HIF1A: variants seen among roughly 807,000 people sequenced by gnomAD.
HIF1A encodes the protein hypoxia inducible factor 1 subunit alpha, also known as hypoxia-inducible factor 1-alpha.
HIF1A carries 24 observed loss-of-function variants against 92.7 expected under a neutral mutation model. The observed-to-expected ratio is 0.26, with a 90% CI of 0.19 to 0.36. The LOEUF is 0.36. Ranked by LOEUF, HIF1A falls within the 10% of genes least tolerant of loss-of-function variation. The probability of loss-of-function intolerance (pLI) is 1.00; values close to 1 mark genes in which losing one functional copy is unlikely to be tolerated. For missense variants in HIF1A, 799 were observed against 998.5 expected (o/e 0.80, Z 2.69); for synonymous variants, 319 against 338.7 (o/e 0.94, Z 0.64).
intron 6 of HIF1A, 94 bp downstream of exon 6, chr14:61,727,749 A>C (rs1261486600): frequency 2.2e-6 from 2 of 928,828 alleles, no homozygotes; most frequent in Admixed American, 3.7e-5. Context: ...CTGGCCATGC[A>C]TGGTGGCTCA....
At chr14:61,702,815 T>C (rs1290586861) in intron 1 of HIF1A, among the ~76,000 whole-genome samples, 1 of 152,344 alleles carries the variant, frequency 6.6e-6, no homozygotes, top group East Asian at 1.9e-4. Flanking sequence ...GAGACCATTG[T>C]CTACTATTTC....
chr14:61,707,438 T>C (rs956061065), intron 1 of HIF1A, among the ~76,000 whole-genome samples: 1 of 152,264 alleles, frequency 6.6e-6, no homozygotes, highest in African/African-American at 2.4e-5. Context: ...GTATATCTCC[T>C]AATGCTATCC....
chr14:61,729,873 G>T (rs937128838), intron 6 of HIF1A, among the ~76,000 whole-genome samples: 1 of 152,054 alleles, frequency 6.6e-6, no homozygotes, highest in Non-Finnish European at 1.5e-5. Context: ...AGTTTGACCA[G>T]CAGACTGTTA....
At chr14:61,719,506 A>C (rs1275500098) in intron 1 of HIF1A, among the ~76,000 whole-genome samples, 1 of 152,254 alleles carries the variant, frequency 6.6e-6, no homozygotes, top group Non-Finnish European at 1.5e-5. Flanking sequence ...GTACAGGGTA[A>C]TGTTGGCACA....
intron 1 of HIF1A, among the ~76,000 whole-genome samples, chr14:61,714,043 A>G (rs576902640): frequency 2.6e-5 from 4 of 152,174 alleles, no homozygotes; most frequent in Non-Finnish European, 5.9e-5. Flanking sequence ...GCTGTTGGAG[A>G]GTTTTTTCCA....
chr14:61,711,558 T>C (rs1375588170), intron 1 of HIF1A, among the ~76,000 whole-genome samples: 1 of 152,226 alleles, frequency 6.6e-6, no homozygotes, highest in Non-Finnish European at 1.5e-5. Flanking sequence ...TCTAAATCTC[T>C]TTCCTGGCAA....
intron 1 of HIF1A, 127 bp from the exon 2 acceptor site, chr14:61,720,255 G>A (rs771530823): frequency 6.3e-6 from 4 of 630,668 alleles, no homozygotes; most frequent in Non-Finnish European, 1.0e-5. Context: ...AAATCTCCAT[G>A]TAACTTAATT....
intron 1 of HIF1A, chr14:61,697,990 T>C: frequency 8.1e-7 from 1 of 1,238,002 alleles, no homozygotes; most frequent in South Asian, 1.5e-5. Context: ...ACGCAGGACA[T>C]TTCATGTTGT....
At chr14:61,703,815 A>AGTGCTACTATT (rs111839514) in intron 1 of HIF1A, among the ~76,000 whole-genome samples, 1 of 151,950 alleles carries the variant, frequency 6.6e-6, no homozygotes, top group African/African-American at 2.4e-5. Flanking sequence ...ACTCTTGACC[A>AGTGCTACTATT]GTAATTAATG....
intron 6 of HIF1A, among the ~76,000 whole-genome samples, chr14:61,728,002 G>GAGC: frequency 7.4e-6 from 1 of 135,182 alleles, no homozygotes; most frequent in Non-Finnish European, 1.6e-5. Context: ...CTGGATGACA[G>GAGC]AGCAAGACTC....
chr14:61,699,936 A>G (rs1160229591), intron 1 of HIF1A, among the ~76,000 whole-genome samples: 4 of 152,204 alleles, frequency 2.6e-5, no homozygotes, highest in Non-Finnish European at 5.9e-5. Flanking sequence ...TGACACATCA[A>G]GAATTAACTG....
At position 61,736,953 on chromosome 14, in the gene HIF1A, G is replaced by T. The variant is rs746456910; in HGVS notation, c.1093G>T (p.Glu365Ter). 1 of 1,614,076 alleles carries T rather than the reference G, an allele frequency of 6.2e-7. No homozygotes were observed. Among genetic ancestry groups the T allele is most frequent in the Non-Finnish European group, 8.5e-7 (1 of 1,179,954 alleles). The change falls in exon 9 of 15, where the codon GAA (glutamate) becomes TAA (stop). Residue 365 changes from glutamate (E) to a stop codon, truncating the protein, a stop_gained. Transcript: ENST00000337138. LOFTEE classifies it high-confidence loss of function. ...AACAGAATGTGTCCTTAAACCGGTTGAATCTTCAGATATGAAAATGACTCA... is the reference window on the plus strand; with the variant it reads ...AACAGAATGTGTCCTTAAACCGGTTTAATCTTCAGATATGAAAATGACTCA... Reference protein sequence around the residue: ...QQTECVLKPVESSDMKMTQLF... With the variant: ...QQTECVLKPV
intron 6 of HIF1A, among the ~76,000 whole-genome samples, chr14:61,727,992 C>G (rs1319977992): frequency 6.8e-6 from 1 of 146,526 alleles, no homozygotes; most frequent in African/African-American, 2.6e-5. Flanking sequence ...CACTGCAAGC[C>G]TGGATGACAG....
At chr14:61,720,622 A>T in intron 2 of HIF1A, 50 bp downstream of exon 2, 2 of 1,166,206 alleles carry the variant, frequency 1.7e-6, no homozygotes, top group Non-Finnish European at 1.2e-6. Flanking sequence ...AGAAGTTAGA[A>T]GTAAATAGAA....
intron 2 of HIF1A, 75 bp from the exon 3 acceptor site, chr14:61,721,433 TA>T: frequency 9.2e-6 from 12 of 1,299,714 alleles, no homozygotes; most frequent in Non-Finnish European, 1.3e-5. Context: ...GAAAACTTTG[TA>T]AAAACATCTA....
At chr14:61,700,971 C>A (rs1285894942) in intron 1 of HIF1A, among the ~76,000 whole-genome samples, 1 of 152,158 alleles carries the variant, frequency 6.6e-6, no homozygotes, top group African/African-American at 2.4e-5. Flanking sequence ...AGAGTAAGTA[C>A]CTCTAAAAGG....
chr14:61,704,666 T>A (rs185767901), intron 1 of HIF1A, among the ~76,000 whole-genome samples: 35 of 152,316 alleles, frequency 2.3e-4, no homozygotes, highest in Admixed American at 2.2e-3. Flanking sequence ...GAAGGGATAT[T>A]TTCTTGAATA....
At chr14:61,704,963 T>C (rs1430647178) in intron 1 of HIF1A, among the ~76,000 whole-genome samples, 2 of 152,292 alleles carry the variant, frequency 1.3e-5, no homozygotes, top group Middle Eastern at 3.4e-3. Context: ...GTACAGACTT[T>C]TGGGTTTAAG....
chr14:61,737,752 C>T (rs756027388), intron 9 of HIF1A, among the ~76,000 whole-genome samples: 4 of 152,150 alleles, frequency 2.6e-5, no homozygotes, highest in South Asian at 2.1e-4. Context: ...TGTGGCCGGG[C>T]GCAGTGGCTC....
Sources: gnomAD v4.1 joint callset for allele counts (sites outside exome capture counted in the v4.1 genomes callset) on GRCh38, gnomAD v4.1.1 for gene constraint, MANE v1.5 for transcripts, NCBI Gene and HGNC (gene_info 2026-07-23, HGNC 2026-07-21) for gene names.